The following ZNF562 variants were observed in gnomAD, a reference collection of about 807,000 sequenced individuals.
The protein encoded by ZNF562 is zinc finger protein 562.
Under a neutral mutation model 17.5 loss-of-function variants are expected in ZNF562, and 13 were observed. The observed-to-expected ratio is 0.74, with a 90% CI of 0.48 to 1.18. ZNF562 has a LOEUF of 1.18. ZNF562 is among the 50% of genes most tolerant of loss of function. ZNF562 has a pLI of 0.00. For missense variants in ZNF562, 481 were observed against 498.5 expected, an observed-to-expected ratio of 0.96 and a Z score of 0.33; for synonymous variants, 163 against 165.4, an observed-to-expected ratio of 0.99 and a Z score of 0.11.
chr19:9,650,568 A>C lies in ZNF562; in HGVS notation c.*2381T>G, dbSNP rs566489811. ...TGAAAACATGAGGAAGTGGGCACTT[A>C]CATGCCAGGAAGAGAGCTCTCACTA... On this transcript the variant is annotated 3_prime_UTR_variant, in exon 6 of 6. Coordinates refer to ENST00000453372, the MANE Select transcript of ZNF562 (RefSeq NM_001130031.2). 1 of 152,296 alleles carries C rather than the reference A, an allele frequency of 6.6e-6. No individual in the cohort carries two copies. Among genetic ancestry groups the C allele is most frequent in the African/African-American group, 2.4e-5 (1 of 41,508 alleles). The allele number at this position is 152,296 out of a possible 1,614,324, so 9.4% of individuals were successfully genotyped here.
rs559795265 is a variant in ZNF562, at chr19:9,648,401, C to T, written c.*4548G>A. 6.6e-6 allele frequency: 1 copy of T among 152,358 alleles called. No individual in the cohort carries two copies. Among genetic ancestry groups the T allele is most frequent in the East Asian group, 1.9e-4 (1 of 5,188 alleles). 9.4% of individuals were successfully genotyped at this position (152,358 alleles called of 1,614,324 possible). ...CAATGCAACCTCCACCTCCCAGGTT[C>T]AAGTGATTCTCCTGCTTCAGCCTCC... On this transcript the variant is annotated 3_prime_UTR_variant, in exon 6 of 6. Coordinates refer to ENST00000453372, the MANE Select transcript of ZNF562 (RefSeq NM_001130031.2).
rs1323305888 is a variant in ZNF562 at position 9,643,799 on chromosome 19, GCTA to G, written c.*9147_*9149del. 6.6e-6 allele frequency: 1 copy of G among 151,772 alleles called. No homozygotes were observed. Among genetic ancestry groups the G allele is most frequent in the African/African-American group, 2.4e-5 (1 of 41,302 alleles). The allele number at this position is 151,772 out of a possible 1,614,324, so 9.4% of individuals were successfully genotyped here. On this transcript the variant is annotated 3_prime_UTR_variant, in exon 6 of 6. Coordinates refer to ENST00000453372, the MANE Select transcript of ZNF562 (RefSeq NM_001130031.2). ...CAGGCATAAGCCACTTTGCCCAGTT[GCTA>G]CTATTATACTTAGCGCATTTTTTTG...
intron 1 of ZNF562, among the ~76,000 whole-genome samples, chr19:9,669,824 G>A (rs2044116778): frequency 2.0e-5 from 3 of 151,212 alleles, no homozygotes; most frequent in African/African-American, 7.3e-5. Flanking sequence ...CTCTTTAGGA[G>A]GCCAAGGCAG....
At position 9,646,717 on chromosome 19, in the gene ZNF562, A is replaced by T. The variant is rs922722198; in HGVS notation, c.*6232T>A. 1.3e-5 allele frequency: 2 copies of T among 152,132 alleles called. No homozygotes were observed. The highest frequency in any genetic ancestry group is 6.5e-5 in the Admixed American group (1 of 15,272). 9.4% of individuals were successfully genotyped at this position (152,132 alleles called of 1,614,324 possible). A position where few individuals can be genotyped will look rare whatever the true frequency, so the allele number is the denominator to read the frequency against. ...AAATTTTTGCTACACATTTGGAAAT[A>T]AAAACATGCCTAGAAGAATATTCTC... On this transcript the variant is annotated 3_prime_UTR_variant, in exon 6 of 6. Transcript: ENST00000453372.
chr19:9,654,739 G>A (rs767616908), intron 5 of ZNF562, among the ~76,000 whole-genome samples: 23 of 152,038 alleles, frequency 1.5e-4, no homozygotes, highest in Admixed American at 2.6e-4. Flanking sequence ...GAGGCACTGC[G>A]CCCGGCCTCA....
In ZNF562 at chr19:9,665,618, C is replaced by T. The variant is rs575905957; in HGVS notation, c.-130-4744G>A. ...GCAGAACACACAGCCAGCCTTCCCA[C>T]ATTGCTGGAATATGCCCTTTAGGAC... On this transcript the variant is annotated intron_variant, in intron 1 of 5. Coordinates refer to ENST00000453372, the MANE Select transcript of ZNF562 (RefSeq NM_001130031.2). Among the ~76,000 whole-genome samples the T allele has an allele frequency of 5.9e-5, 9 of 152,308 alleles. No individual in the cohort carries two copies. The East Asian group carries it at 1.7e-3, about 29-fold the overall frequency.
chr19:9,675,040 T>A lies in ZNF562; in HGVS notation c.-156A>T, dbSNP rs2044358412. On this transcript the variant is annotated 5_prime_UTR_variant, in exon 1 of 6. Coordinates refer to ENST00000453372, the MANE Select transcript of ZNF562 (RefSeq NM_001130031.2). ...CACAGCGGGGTGGACTCCACCACAATAAAGGTTAAACGGCACTGACCATGC... is the reference window on the plus strand; with the variant it reads ...CACAGCGGGGTGGACTCCACCACAAAAAAGGTTAAACGGCACTGACCATGC... 6.6e-6 allele frequency: 1 copy of A among 152,156 alleles called. No individual in the cohort carries two copies. Among genetic ancestry groups the A allele is most frequent in the African/African-American group, 2.4e-5 (1 of 41,382 alleles). 9.4% of individuals were successfully genotyped at this position (152,156 alleles called of 1,614,324 possible). A position where few individuals can be genotyped will look rare whatever the true frequency, so the allele number is the denominator to read the frequency against.
At chr19:9,657,378 AGT>A (rs2043540201) in intron 4 of ZNF562, among the ~76,000 whole-genome samples, 1 of 148,222 alleles carries the variant, frequency 6.7e-6, no homozygotes, top group Admixed American at 6.7e-5. Flanking sequence ...TGGGTGACAG[AGT>A]GAGACTCCCT....
intron 1 of ZNF562, among the ~76,000 whole-genome samples, chr19:9,669,734 G>GCTCA (rs1221319747): frequency 1.8e-5 from 2 of 109,302 alleles, no homozygotes; most frequent in Non-Finnish European, 3.7e-5. Context: ...GCGCGCGCGC[G>GCTCA]CACACACACA....
At chr19:9,671,393 T>A (rs1224788200) in intron 1 of ZNF562, among the ~76,000 whole-genome samples, 10 of 152,060 alleles carry the variant, frequency 6.6e-5, no homozygotes, top group Admixed American at 6.6e-4. Flanking sequence ...CTGCACCTAA[T>A]ACCACCTACC....
chr19:9,671,035 A>C (rs2044180248), intron 1 of ZNF562, among the ~76,000 whole-genome samples: 1 of 152,104 alleles, frequency 6.6e-6, no homozygotes, highest in Admixed American at 6.6e-5. Flanking sequence ...TCATCGGTAA[A>C]ATATACAGTT....
At chr19:9,674,639 A>T (rs1465842797) in intron 1 of ZNF562, 1 of 152,236 alleles carries the variant, frequency 6.6e-6, no homozygotes, top group African/African-American at 2.4e-5. Context: ...CACCAGGAAC[A>T]TGCCGGAAGA....
rs1051538189 is a variant in ZNF562, at chr19:9,648,931, A to G, written c.*4018T>C. Reference sequence around the variant, plus strand: ...GAGGAATTCAGCCTCATAAACTATGAAATATTGGGAAATAATTCATCATGT... The same window carrying G: ...GAGGAATTCAGCCTCATAAACTATGGAATATTGGGAAATAATTCATCATGT... On this transcript the variant is annotated 3_prime_UTR_variant, in exon 6 of 6. Transcript: ENST00000453372. 1.3e-5 allele frequency: 2 copies of G among 152,210 alleles called. No individual in the cohort carries two copies. Among genetic ancestry groups the G allele is most frequent in the Non-Finnish European group, 2.9e-5 (2 of 68,040 alleles). 9.4% of individuals were successfully genotyped at this position (152,210 alleles called of 1,614,324 possible). A position where few individuals can be genotyped will look rare whatever the true frequency, so the allele number is the denominator to read the frequency against.
At position 9,642,210 on chromosome 19, in the gene ZNF562, C is replaced by T. The variant is rs901792959; in HGVS notation, c.*10739G>A. 2 of 150,278 alleles carry T rather than the reference C, an allele frequency of 1.3e-5. No homozygotes were observed. Among genetic ancestry groups the T allele is most frequent in the South Asian group, 4.2e-4 (2 of 4,758 alleles). 9.3% of individuals were successfully genotyped at this position (150,278 alleles called of 1,614,324 possible). A position where few individuals can be genotyped will look rare whatever the true frequency, so the allele number is the denominator to read the frequency against. ...TTATCACAAGGGCGGGGGGATGTCA[C>T]AATGGCTTGACCATGGTATGGCCAG... On this transcript the variant is annotated 3_prime_UTR_variant, in exon 6 of 6. Transcript: ENST00000453372.
chr19:9,661,883 G>GC (rs2043758503), intron 1 of ZNF562, among the ~76,000 whole-genome samples: 1 of 152,048 alleles, frequency 6.6e-6, no homozygotes, highest in Non-Finnish European at 1.5e-5. Flanking sequence ...TCCCACTTCA[G>GC]CCCCCAAAGT....
chr19:9,670,335 C>T (rs1315158626), intron 1 of ZNF562, among the ~76,000 whole-genome samples: 4 of 151,904 alleles, frequency 2.6e-5, no homozygotes, highest in Admixed American at 2.6e-4. Context: ...GGTATATATC[C>T]AAAAGAAAGG....
rs1457465891 is a variant in ZNF562 at position 9,650,917 on chromosome 19, G to A, written c.*2032C>T. ...TGCGGTGAGCCAAGATCATACCATT[G>A]CACTCCAGCCTGGGCAACAAGAGCA... is the stretch of plus-strand genomic sequence containing the variant. On this transcript the variant is annotated 3_prime_UTR_variant, in exon 6 of 6. Transcript: ENST00000453372. 1 of 121,068 alleles carries A rather than the reference G, an allele frequency of 8.3e-6. No homozygotes were observed. Among genetic ancestry groups the A allele is most frequent in the Admixed American group, 1.2e-4 (1 of 8,482 alleles). The allele number at this position is 121,068 out of a possible 1,614,324, so 7.5% of individuals were successfully genotyped here.
rs869261585 is a variant in ZNF562, at chr19:9,672,777, CT to C, written c.-131+2237del. Among the ~76,000 whole-genome samples the C allele has an allele frequency of 6.6e-3, 741 of 112,216 alleles. 4 individuals carry two copies. Among genetic ancestry groups the C allele is most frequent in the Middle Eastern group, 0.039 (8 of 206 alleles). 73.6% of individuals were successfully genotyped at this position (112,216 alleles called of 152,430 possible). On this transcript the variant is annotated intron_variant, in intron 1 of 5. Transcript: ENST00000453372. ...AGAATAGTTGAGTATTATTGCCTTT[CT>C]TTTTTTTTTTTTTTTTTTTTTAGAC...
At chr19:9,674,754 C>G (rs987711442) in intron 1 of ZNF562, 7 of 152,342 alleles carry the variant, frequency 4.6e-5, no homozygotes, top group African/African-American at 1.7e-4. Flanking sequence ...GGTTGCTTTC[C>G]AAGCTTTTCA....
Sources: allele counts gnomAD v4.1 joint callset (sites outside exome capture counted in the v4.1 genomes callset), GRCh38; gene constraint gnomAD v4.1.1; transcripts MANE v1.5; gene names NCBI Gene and HGNC (gene_info 2026-07-23, HGNC 2026-07-21).